SLC36A1: variants seen among roughly 807,000 people sequenced by gnomAD.
SLC36A1 encodes solute carrier family 36 member 1.
In SLC36A1, 30 loss-of-function variants were observed where a neutral mutation model predicts 47.5. The observed-to-expected ratio is 0.63, with a 90% confidence interval of 0.47 to 0.86. SLC36A1 has a LOEUF of 0.86. Among genes scored for constraint, SLC36A1 ranks in the 40% least tolerant of loss-of-function variants. The pLI is 0.00. For missense variants in SLC36A1, 517 were observed against 606.0 expected, an observed-to-expected ratio of 0.85 and a Z score of 1.54; for synonymous variants, 255 against 249.7, an observed-to-expected ratio of 1.02 and a Z score of -0.20.
intron 10 of SLC36A1, among the ~76,000 whole-genome samples, chr5:151,482,265 C>T (rs1758900922): frequency 6.6e-6 from 1 of 152,062 alleles, no homozygotes; most frequent in Non-Finnish European, 1.5e-5. Flanking sequence ...GCTGTGTAAC[C>T]CTGCCACCCC....
the SLC36A1 span, chr5:151,380,645 T>A: frequency 1.8e-6 from 1 of 553,130 alleles, no homozygotes; most frequent in South Asian, 1.4e-5. Context: ...GTGGCTCACA[T>A]CGTCAACCCA....
chr5:151,387,487 A>G, the SLC36A1 span, among the ~76,000 whole-genome samples: 6 of 152,232 alleles, frequency 3.9e-5, no homozygotes, highest in Admixed American at 2.6e-4. Context: ...CTCACTCTCT[A>G]TGAAGGGCAT....
the SLC36A1 span, among the ~76,000 whole-genome samples, chr5:151,348,082 G>T: frequency 6.6e-6 from 1 of 152,252 alleles, no homozygotes; most frequent in Non-Finnish European, 1.5e-5. Flanking sequence ...CCTTCTTGCA[G>T]CACCCCATTC....
upstream of SLC36A1, among the ~76,000 whole-genome samples, chr5:151,447,412 A>T (rs558339524): frequency 6.6e-6 from 1 of 152,360 alleles, no homozygotes; most frequent in East Asian, 1.9e-4. Context: ...CCCATGCCCA[A>T]GATCAATGCC....
At chr5:151,359,577 A>G in the SLC36A1 span, among the ~76,000 whole-genome samples, 6 of 152,252 alleles carry the variant, frequency 3.9e-5, no homozygotes, top group African/African-American at 1.2e-4. Context: ...TAATTGTGCA[A>G]TCACCACCAC....
chr5:151,471,208 C>T (rs1757269269), intron 7 of SLC36A1, among the ~76,000 whole-genome samples: 1 of 152,160 alleles, frequency 6.6e-6, no homozygotes, highest in Non-Finnish European at 1.5e-5. Context: ...AAGGAAGTGA[C>T]TGTACGTCAT....
the SLC36A1 span, among the ~76,000 whole-genome samples, chr5:151,357,429 A>C: frequency 1.3e-5 from 2 of 152,126 alleles, no homozygotes; most frequent in East Asian, 3.9e-4. Context: ...AGAGTAGGAG[A>C]TTTTGTGGAC....
the SLC36A1 span, among the ~76,000 whole-genome samples, chr5:151,367,108 G>A: frequency 6.6e-6 from 1 of 151,312 alleles, no homozygotes; most frequent in African/African-American, 2.5e-5. Context: ...AGGGCAAAGG[G>A]CAAAAGCAGA....
the SLC36A1 span, among the ~76,000 whole-genome samples, chr5:151,398,497 T>C: frequency 6.6e-6 from 1 of 151,964 alleles, no homozygotes; most frequent in Non-Finnish European, 1.5e-5. Flanking sequence ...GGAAAAGGAG[T>C]AGATACTGTA....
At position 151,465,090 on chromosome 5, in the gene SLC36A1, G is replaced by A; in HGVS notation, c.340G>A (p.Val114Met). Residue 114 changes from valine (V) to methionine (M), a missense_variant, in exon 5 of 11, where the codon GTG (valine) becomes ATG (methionine). Val to Met is a conservative substitution (Grantham distance 21). Transcript: ENST00000243389. ...HFCRRLNKSF[V>M]DYGDTVMYGL... ...CTCTTCCAGGCTGAATAAATCCTTT[G>A]TGGATTATGGTGATACTGTGATGTA... 6.2e-7 allele frequency: 1 copy of A among 1,613,836 alleles called. No homozygotes were observed. Among genetic ancestry groups the A allele is most frequent in the Non-Finnish European group, 8.5e-7 (1 of 1,179,762 alleles).
the SLC36A1 span, chr5:151,527,872 C>T: frequency 3.1e-6 from 4 of 1,295,428 alleles, no homozygotes; most frequent in Admixed American, 4.3e-5. Flanking sequence ...AAGTGAGAGA[C>T]ATTCTGGGAA....
At chr5:151,381,149 A>C in the SLC36A1 span, 3 of 476,838 alleles carry the variant, frequency 6.3e-6, no homozygotes, top group Non-Finnish European at 1.2e-5. Flanking sequence ...TGAGCTGGCC[A>C]TGGCTGTGTG....
At chr5:151,476,908 C>G (rs770569997) in intron 9 of SLC36A1, 152 bp downstream of exon 9, 4 of 936,356 alleles carry the variant, frequency 4.3e-6, no homozygotes, top group Non-Finnish European at 5.0e-6. Context: ...CACTGGCTGC[C>G]CTGGACTGCA....
intron 1 of SLC36A1, among the ~76,000 whole-genome samples, chr5:151,437,371 G>T (rs80047501): frequency 0.048 from 7,266 of 152,186 alleles, 555 homozygotes; most frequent in African/African-American, 0.17. Context: ...TTTAACCAAA[G>T]AATTTATAAT....
chr5:151,545,670 C>T, the SLC36A1 span: 2 of 1,614,166 alleles, frequency 1.2e-6, no homozygotes, highest in Non-Finnish European at 1.7e-6. Flanking sequence ...TTAGGGTTCC[C>T]ATGCTGGGAT....
intron 10 of SLC36A1, among the ~76,000 whole-genome samples, chr5:151,482,524 G>A (rs1363984330): frequency 1.3e-5 from 2 of 151,234 alleles, no homozygotes; most frequent in Non-Finnish European, 1.5e-5. Context: ...ATTTTTTTTT[G>A]CATTGTATCT....
chr5:151,409,675 A>G, the SLC36A1 span, among the ~76,000 whole-genome samples: 1 of 152,158 alleles, frequency 6.6e-6, no homozygotes, highest in Admixed American at 6.5e-5. Context: ...TCTGCATTGT[A>G]ATAAGGCCCC....
At chr5:151,531,867 G>A in the SLC36A1 span, 3 of 1,614,142 alleles carry the variant, frequency 1.9e-6, no homozygotes, top group Non-Finnish European at 2.5e-6. This position sits in a 1 kb window ranked among gnomAD's most constrained non-coding sequence, Gnocchi z 5.7. Flanking sequence ...CCTGGGGCCT[G>A]ACCTGCAGCG....
chr5:151,400,864 G>T, the SLC36A1 span, among the ~76,000 whole-genome samples: 1 of 151,902 alleles, frequency 6.6e-6, no homozygotes, highest in African/African-American at 2.4e-5. Context: ...TTTTTAATGG[G>T]GTTATTTAGT....
Sources: allele counts gnomAD v4.1 joint callset (sites outside exome capture counted in the v4.1 genomes callset), GRCh38; gene constraint gnomAD v4.1.1; non-coding constraint Gnocchi (gnomAD v3.1); transcripts MANE v1.5; gene names NCBI Gene and HGNC (gene_info 2026-07-23, HGNC 2026-07-21).